The following NAALADL2 variants were observed in gnomAD, a reference collection of about 807,000 sequenced individuals.
NAALADL2 encodes the protein inactive N-acetylated-alpha-linked acidic dipeptidase-like protein 2.
Under a neutral mutation model 87.2 loss-of-function variants are expected in NAALADL2, and 76 were observed. That is an observed-to-expected ratio of 0.87 (90% CI 0.72 to 1.05). The LOEUF is 1.05. NAALADL2 is among the 50% of genes least tolerant of loss of function. The pLI, the probability that NAALADL2 is intolerant of heterozygous loss-of-function variation, is 0.00. For missense variants in NAALADL2, 1,089 were observed against 945.8 expected (o/e 1.15, Z -1.99); for synonymous variants, 354 against 331.0 (o/e 1.07, Z -0.75).
chr3:175,734,858 C>T (rs373895918), intron 11 of NAALADL2, among the ~76,000 whole-genome samples: 143 of 152,314 alleles, frequency 9.4e-4, no homozygotes, highest in African/African-American at 3.2e-3. Flanking sequence ...CTCTGACATG[C>T]CCTAGAGACA....
At chr3:175,307,164 G>C (rs1047521347) in intron 4 of NAALADL2, among the ~76,000 whole-genome samples, 4 of 151,508 alleles carry the variant, frequency 2.6e-5, no homozygotes, top group African/African-American at 9.7e-5. Context: ...CCCCTCCCAG[G>C]GTGACAATTT....
At chr3:175,545,776 T>A (rs1175705582) in intron 9 of NAALADL2, among the ~76,000 whole-genome samples, 1 of 152,104 alleles carries the variant, frequency 6.6e-6, no homozygotes, top group Admixed American at 6.5e-5. Context: ...TCTCAACACA[T>A]CAAAATTCTG....
intron 2 of NAALADL2, among the ~76,000 whole-genome samples, chr3:174,645,586 T>A (rs1460660238): frequency 1.3e-5 from 2 of 152,216 alleles, no homozygotes; most frequent in Non-Finnish European, 2.9e-5. Flanking sequence ...AGAAAGATAA[T>A]TTTTTAATGT....
chr3:174,606,417 T>G (rs995656171), intron 2 of NAALADL2, among the ~76,000 whole-genome samples: 4 of 152,016 alleles, frequency 2.6e-5, no homozygotes, highest in Admixed American at 2.0e-4. Context: ...AGTTAAAAAC[T>G]TTGAAAAAAA....
At chr3:175,425,138 T>C (rs1346630479) in intron 5 of NAALADL2, among the ~76,000 whole-genome samples, 4 of 152,194 alleles carry the variant, frequency 2.6e-5, no homozygotes, top group Non-Finnish European at 4.4e-5. Flanking sequence ...CTTAGACTTC[T>C]GCTAAGAGCA....
intron 11 of NAALADL2, among the ~76,000 whole-genome samples, chr3:175,679,540 T>C (rs749380829): frequency 3.3e-5 from 5 of 152,210 alleles, no homozygotes; most frequent in Non-Finnish European, 5.9e-5. Flanking sequence ...CATTGTAGTA[T>C]GGAATTACTT....
chr3:174,528,598 C>G (rs1339747772), intron 1 of NAALADL2, among the ~76,000 whole-genome samples: 1 of 152,130 alleles, frequency 6.6e-6, no homozygotes, highest in Non-Finnish European at 1.5e-5. Context: ...TGCACTCCAG[C>G]CTGGGTGTAT....
chr3:175,414,344 C>T (rs1304480397), intron 5 of NAALADL2, among the ~76,000 whole-genome samples: 1 of 152,098 alleles, frequency 6.6e-6, no homozygotes, highest in Non-Finnish European at 1.5e-5. Flanking sequence ...ATATTTAGTG[C>T]ACCGGTACCT....
chr3:175,161,254 C>T (rs1180254601), intron 2 of NAALADL2, among the ~76,000 whole-genome samples: 1 of 151,684 alleles, frequency 6.6e-6, no homozygotes, highest in Non-Finnish European at 1.5e-5. Flanking sequence ...TTAAGCAAAA[C>T]AGCAACAACA....
chr3:175,181,932 G>T (rs1481850760), intron 2 of NAALADL2, among the ~76,000 whole-genome samples: 2 of 151,076 alleles, frequency 1.3e-5, no homozygotes, highest in African/African-American at 4.9e-5. Context: ...GGGTTTGTTG[G>T]AATATATGGT....
At chr3:175,799,529 A>G (rs1753887063) in intron 13 of NAALADL2, among the ~76,000 whole-genome samples, 1 of 152,122 alleles carries the variant, frequency 6.6e-6, no homozygotes, top group Non-Finnish European at 1.5e-5. Context: ...TTCCTAAATG[A>G]CAAGAAAGCT....
intron 2 of NAALADL2, among the ~76,000 whole-genome samples, chr3:174,567,781 C>T (rs1391411072): frequency 6.6e-6 from 1 of 151,526 alleles, no homozygotes; most frequent in Non-Finnish European, 1.5e-5. Flanking sequence ...AGAAAAGAAT[C>T]TTGTGTAGTA....
chr3:174,574,930 A>C (rs181515673), intron 2 of NAALADL2, among the ~76,000 whole-genome samples: 1 of 152,200 alleles, frequency 6.6e-6, no homozygotes, highest in Admixed American at 6.5e-5. Context: ...ATAAATATCT[A>C]TATTATTTCC....
At position 175,534,048 on chromosome 3, in the gene NAALADL2, T is replaced by A. The variant is rs1008493482; in HGVS notation, c.1654-41993T>A. On this transcript the variant is annotated intron_variant, in intron 9 of 13. Coordinates refer to ENST00000454872, the MANE Select transcript of NAALADL2 (RefSeq NM_207015.3). ...ATTTATTTATTTATTATAAATAAAT[T>A]ATTTATTTATAATAAATAAATTATT... is the stretch of plus-strand genomic sequence containing the variant. Among the ~76,000 whole-genome samples the A allele has an allele frequency of 4.7e-5, 7 of 150,384 alleles. No individual in the cohort carries two copies. In the East Asian group the frequency reaches 5.8e-4, roughly 13 times the overall value.
At chr3:175,039,528 A>G (rs1753805637) in intron 1 of NAALADL2, among the ~76,000 whole-genome samples, 2 of 152,154 alleles carry the variant, frequency 1.3e-5, no homozygotes, top group Admixed American at 1.3e-4. Flanking sequence ...GACCTGGACA[A>G]TAGGGTTATG....
intron 12 of NAALADL2, among the ~76,000 whole-genome samples, chr3:175,749,141 G>GAGGGGAAGGGAGGGGAGGAGAAGGGAGCT (rs1559969430): frequency 2.5e-5 from 3 of 120,206 alleles, no homozygotes; most frequent in African/African-American, 9.8e-5. Context: ...AGAAGGGAGC[G>GAGGGGAAGGGAGGGGAGGAGAAGGGAGCT]GAGGGGAAGG....
At chr3:174,864,598 A>G (rs1343418011) in intron 1 of NAALADL2, among the ~76,000 whole-genome samples, 2 of 145,264 alleles carry the variant, frequency 1.4e-5, no homozygotes, top group African/African-American at 5.6e-5. Flanking sequence ...TTTATACGTT[A>G]TTATTAATCA....
chr3:174,859,578 C>A, intron 1 of NAALADL2, 128 bp downstream of exon 1: 1 of 697,736 alleles, frequency 1.4e-6, no homozygotes, highest in Non-Finnish European at 2.5e-6. Context: ...GGTGCCCTGG[C>A]CCTGTTTTTA....
At chr3:174,787,596 T>TATAC (rs1553855395) in intron 3 of NAALADL2, among the ~76,000 whole-genome samples, 3 of 65,824 alleles carry the variant, frequency 4.6e-5, no homozygotes, top group Admixed American at 1.5e-4. Context: ...TATATATATA[T>TATAC]ATATATATAT....
Sources: allele counts gnomAD v4.1 joint callset (sites outside exome capture counted in the v4.1 genomes callset), GRCh38; gene constraint gnomAD v4.1.1; transcripts MANE v1.5; gene names NCBI Gene and HGNC (gene_info 2026-07-23, HGNC 2026-07-21).